Variants in DCDC1 observed in about 807,000 individuals in gnomAD.
The protein encoded by DCDC1 is doublecortin domain containing 1, also known as doublecortin domain-containing protein 1.
In DCDC1, 200 loss-of-function variants were observed where a neutral mutation model predicts 178.3. The ratio of observed to expected loss-of-function variants is 1.12; its 90% confidence interval spans 1.00 to 1.26. The LOEUF is 1.26. Among genes scored for constraint, DCDC1 ranks in the 50% most tolerant of loss-of-function variants. The pLI, the probability that DCDC1 is intolerant of heterozygous loss-of-function variation, is 0.00. For synonymous variants in DCDC1, 690 were observed against 604.8 expected (o/e 1.14, Z -2.07); for missense variants, 1,983 against 1,749.2 (o/e 1.13, Z -2.38).
At chr11:31,029,773 C>T (rs1953497257) in intron 20 of DCDC1, among the ~76,000 whole-genome samples, 1 of 152,002 alleles carries the variant, frequency 6.6e-6, no homozygotes, top group South Asian at 2.1e-4. Context: ...GGCTGACATT[C>T]GTGTTAACTT....
chr11:31,154,591 T>G (rs1329899982), intron 9 of DCDC1, among the ~76,000 whole-genome samples: 1 of 152,196 alleles, frequency 6.6e-6, no homozygotes, highest in Non-Finnish European at 1.5e-5. Flanking sequence ...GAATAGATAT[T>G]TAACAAATAC....
chr11:30,945,732 CTAT>C (rs2134427386), intron 21 of DCDC1, among the ~76,000 whole-genome samples: 1 of 146,560 alleles, frequency 6.8e-6, no homozygotes, highest in African/African-American at 2.8e-5. Context: ...ATCTATCTAT[CTAT>C]CTATCTATCT....
chr11:31,042,799 C>T (rs1288505781), intron 20 of DCDC1, among the ~76,000 whole-genome samples: 1 of 152,210 alleles, frequency 6.6e-6, no homozygotes, highest in Non-Finnish European at 1.5e-5. Context: ...CCAGCAACCT[C>T]TTAGTCTCAG....
intron 1 of DCDC1, among the ~76,000 whole-genome samples, chr11:31,365,068 T>C (rs1951892697): frequency 6.6e-6 from 1 of 152,156 alleles, no homozygotes; most frequent in Admixed American, 6.5e-5. Flanking sequence ...CTTCCTACAG[T>C]TATTTCAGTT....
Position 30,899,627 on chromosome 11 carries a change from T to C in DCDC1, c.4679A>G (p.Glu1560Gly). ...FLPPNALQKA[E>G]KLEKQNWLKK... ...TAGCCAGTTCTGTTTCTCTAATTTT[T>C]CTGCTTTCTGCAAAGCTAGAATAAT... The change falls in exon 34 of 39, where the codon GAA becomes GGA. Residue 1560 changes from glutamate (E) to glycine (G), a missense_variant. Physicochemically the swap from Glu to Gly is moderately conservative, Grantham distance 98. Transcript: ENST00000684477. 2 of 1,564,022 alleles carry C rather than the reference T, an allele frequency of 1.3e-6. No homozygotes were observed. Among genetic ancestry groups the C allele is most frequent in the Non-Finnish European group, 1.7e-6 (2 of 1,154,284 alleles).
intron 20 of DCDC1, among the ~76,000 whole-genome samples, chr11:30,989,406 A>G (rs1245736735): frequency 1.3e-5 from 2 of 152,162 alleles, no homozygotes; most frequent in Non-Finnish European, 1.5e-5. Flanking sequence ...ACAAACACAG[A>G]CTGCTCTACT....
intron 20 of DCDC1, among the ~76,000 whole-genome samples, chr11:31,047,988 C>T (rs953315538): frequency 1.3e-5 from 2 of 152,050 alleles, no homozygotes; most frequent in East Asian, 1.9e-4. Context: ...TGCCATTTAC[C>T]GAACATTTAC....
At chr11:30,977,811 C>G (rs989066930) in intron 20 of DCDC1, among the ~76,000 whole-genome samples, 5 of 152,068 alleles carry the variant, frequency 3.3e-5, no homozygotes, top group African/African-American at 1.2e-4. Flanking sequence ...TGCCTGTATT[C>G]CCAGCTACTC....
Position 31,106,781 on chromosome 11 carries a change from A to T in DCDC1, c.1751+16T>A, listed in dbSNP as rs1194403199. The T allele has an allele frequency of 1.3e-6, 1 of 764,458 alleles. No homozygotes were observed. Among genetic ancestry groups the T allele is most frequent in the Admixed American group, 1.7e-5 (1 of 58,410 alleles). The allele number at this position is 764,458 out of a possible 1,614,324, so 47.4% of individuals were successfully genotyped here. On this transcript the variant is annotated intron_variant, in intron 13 of 38. Coordinates refer to ENST00000684477, the MANE Select transcript of DCDC1 (RefSeq NM_001387274.1). ...CTGGAAAGATTGAGGACAGAAAACA[A>T]ACCCCTTGCTCCTACCTGTATGCTC...
rs1555090401 is a variant in DCDC1 at position 31,157,372 on chromosome 11, A to AATATATAT, written c.1222-19596_1222-19589dup. Among the ~76,000 whole-genome samples the AATATATAT allele has an allele frequency of 3.3e-3, 320 of 96,850 alleles. 1 individual carries two copies. The highest frequency in any genetic ancestry group is 5.2e-3 in the Non-Finnish European group (245 of 47,422). 63.5% of individuals were successfully genotyped at this position (96,850 alleles called of 152,430 possible). On this transcript the variant is annotated intron_variant, in intron 9 of 38. Transcript: ENST00000684477. Reference sequence around the variant, plus strand: ...CCCTTTCTCAAAAAAAAAAAAAAAAAATATATATATATATACATATATATA... The same window carrying AATATATAT: ...CCCTTTCTCAAAAAAAAAAAAAAAAAATATATATATATATATATATATACATATATATA...
chr11:30,971,452 T>G (rs1043736660), intron 20 of DCDC1, among the ~76,000 whole-genome samples: 7 of 151,856 alleles, frequency 4.6e-5, no homozygotes, highest in African/African-American at 1.7e-4. Flanking sequence ...AAATGAGAAA[T>G]TTATTAAAGA....
At chr11:30,897,412 C>A (rs975031936) in intron 34 of DCDC1, among the ~76,000 whole-genome samples, 2 of 151,794 alleles carry the variant, frequency 1.3e-5, no homozygotes, top group Admixed American at 6.6e-5. Context: ...CACGGTGAAA[C>A]CCCCTCTCTA....
chr11:30,893,241 G>A (rs78403068), intron 35 of DCDC1, among the ~76,000 whole-genome samples: 1 of 152,066 alleles, frequency 6.6e-6, no homozygotes, highest in Non-Finnish European at 1.5e-5. Flanking sequence ...ACTCATTTTG[G>A]CAAAGCACTT....
chr11:31,216,513 C>T (rs555789266), intron 9 of DCDC1, among the ~76,000 whole-genome samples: 8 of 152,248 alleles, frequency 5.3e-5, no homozygotes, highest in Non-Finnish European at 1.2e-4. Flanking sequence ...ACTTAAGAAA[C>T]CTTACCCGGC....
intron 2 of DCDC1, among the ~76,000 whole-genome samples, chr11:31,332,696 A>C (rs190619508): frequency 8.8e-4 from 134 of 152,214 alleles, no homozygotes; most frequent in African/African-American, 3.1e-3. Context: ...GTTTTGAGTG[A>C]GTTTCTTAAT....
intron 9 of DCDC1, among the ~76,000 whole-genome samples, chr11:31,187,050 T>G (rs1257907799): frequency 6.6e-6 from 1 of 152,144 alleles, no homozygotes; most frequent in Non-Finnish European, 1.5e-5. Flanking sequence ...TTTCATTCAC[T>G]TCCTGATATT....
intron 20 of DCDC1, among the ~76,000 whole-genome samples, chr11:30,974,019 C>T (rs1413073206): frequency 6.6e-6 from 1 of 151,812 alleles, no homozygotes; most frequent in Middle Eastern, 3.2e-3. Context: ...ATTTTAAAAA[C>T]CTGAAGTCAT....
chr11:31,206,402 T>C (rs1971867454), intron 9 of DCDC1, among the ~76,000 whole-genome samples: 1 of 151,908 alleles, frequency 6.6e-6, no homozygotes, highest in Admixed American at 6.6e-5. Context: ...GGTCCATGGA[T>C]TTCTGTGTTT....
chr11:31,279,824 G>A (rs569234941), intron 7 of DCDC1, among the ~76,000 whole-genome samples: 132 of 152,020 alleles, frequency 8.7e-4, no homozygotes, highest in Admixed American at 2.5e-3. Context: ...ACCATGGCAC[G>A]TGTATACCTA....
Sources: allele counts gnomAD v4.1 joint callset (sites outside exome capture counted in the v4.1 genomes callset), GRCh38; gene constraint gnomAD v4.1.1; transcripts MANE v1.5; gene names NCBI Gene and HGNC (gene_info 2026-07-23, HGNC 2026-07-21).